Variants in WWP2 observed in about 807,000 individuals in gnomAD.
The protein encoded by WWP2 is WW domain containing E3 ubiquitin protein ligase 2, also known as NEDD4-like E3 ubiquitin-protein ligase WWP2.
WWP2 carries 57 observed loss-of-function variants against 121.0 expected under a neutral mutation model. That is an observed-to-expected ratio of 0.47 (90% CI 0.38 to 0.59). The LOEUF is 0.59. Ranked by LOEUF, WWP2 falls within the 20% of genes least tolerant of loss-of-function variation. The probability of loss-of-function intolerance (pLI) is 0.00; values close to 1 mark genes in which losing one functional copy is unlikely to be tolerated. For missense variants in WWP2, 962 were observed against 1,158.9 expected (o/e 0.83, Z 2.47); for synonymous variants, 449 against 441.3 (o/e 1.02, Z -0.22).
intron 4 of WWP2, among the ~76,000 whole-genome samples, chr16:69,834,863 CT>C (rs940306749): frequency 3.4e-5 from 5 of 147,462 alleles, no homozygotes; most frequent in Admixed American, 6.8e-5. Flanking sequence ...ATGCAATTTT[CT>C]TTTTTTTTTA....
intron 4 of WWP2, among the ~76,000 whole-genome samples, chr16:69,811,338 G>T (rs1205014334): frequency 6.6e-6 from 1 of 152,032 alleles, no homozygotes; most frequent in African/African-American, 2.4e-5. Flanking sequence ...TAGGTGTGGT[G>T]GCTCACACCT....
At chr16:69,777,309 CT>C (rs201135806) in intron 1 of WWP2, among the ~76,000 whole-genome samples, 1 of 150,254 alleles carries the variant, frequency 6.7e-6, no homozygotes, top group African/African-American at 2.4e-5. Flanking sequence ...TTTATATTTT[CT>C]TTTTTTTTGA....
At chr16:69,812,652 T>C (rs1016128468) in intron 4 of WWP2, among the ~76,000 whole-genome samples, 1 of 151,956 alleles carries the variant, frequency 6.6e-6, no homozygotes, top group African/African-American at 2.4e-5. Context: ...TTTTTAAAAA[T>C]TATTTGGCAG....
chr16:69,875,418 A>T (rs2151921681), intron 7 of WWP2, among the ~76,000 whole-genome samples: 1 of 152,324 alleles, frequency 6.6e-6, no homozygotes, highest in Admixed American at 6.5e-5. Context: ...GGCAATTTCT[A>T]ATAAGACAAC....
At chr16:69,782,498 C>G (rs1343976986) in intron 1 of WWP2, among the ~76,000 whole-genome samples, 1 of 152,142 alleles carries the variant, frequency 6.6e-6, no homozygotes, top group Non-Finnish European at 1.5e-5. Context: ...TCAGTTGTGT[C>G]AGATGCTGCC....
chr16:69,902,964 G>A (rs2058228306), intron 8 of WWP2, among the ~76,000 whole-genome samples: 1 of 152,188 alleles, frequency 6.6e-6, no homozygotes. Context: ...CCAGGTCATG[G>A]ATCAGGGAGG....
At chr16:69,902,758 G>A (rs1049500091) in intron 8 of WWP2, among the ~76,000 whole-genome samples, 1 of 152,292 alleles carries the variant, frequency 6.6e-6, no homozygotes, top group South Asian at 2.1e-4. Flanking sequence ...GCATGGGGGG[G>A]ACCAAACCAA....
chr16:69,911,811 G>C (rs563591316), intron 9 of WWP2, among the ~76,000 whole-genome samples: 38 of 152,294 alleles, frequency 2.5e-4, no homozygotes, highest in African/African-American at 9.1e-4. Flanking sequence ...TAAAGGGATG[G>C]AAGAGGAGAA....
Position 69,799,315 on chromosome 16 carries a change from T to G in WWP2, c.340+20T>G, listed in dbSNP as rs1348178813. The G allele has an allele frequency of 1.2e-6, 2 of 1,607,178 alleles. No individual in the cohort carries two copies. The highest frequency in any genetic ancestry group is 3.4e-5 in the Admixed American group (2 of 58,522). ...GCAAAAGTACGTATGATGAAGGGGG[T>G]GCCGACGTGATTCTTGGGTGGGGAT... On this transcript the variant is annotated intron_variant, in intron 4 of 23. Transcript: ENST00000359154. The surrounding 1 kb of genome is among the most constrained non-coding windows in gnomAD (Gnocchi z 4.5).
At chr16:69,828,811 T>G (rs2056747236) in intron 4 of WWP2, among the ~76,000 whole-genome samples, 1 of 152,230 alleles carries the variant, frequency 6.6e-6, no homozygotes, top group Admixed American at 6.5e-5. Context: ...TTCCATCCTC[T>G]TCTTCCATGA....
At chr16:69,809,902 G>A (rs557740750) in intron 4 of WWP2, among the ~76,000 whole-genome samples, 64 of 152,266 alleles carry the variant, frequency 4.2e-4, no homozygotes, top group Admixed American at 1.3e-3. Context: ...GGAAGCTGTC[G>A]TTAACATGGG....
At chr16:69,800,934 C>G (rs2056150881) in intron 4 of WWP2, among the ~76,000 whole-genome samples, 2 of 147,624 alleles carry the variant, frequency 1.4e-5, no homozygotes, top group African/African-American at 5.0e-5. Flanking sequence ...GCCTGTAATC[C>G]CAGTACTTTG....
rs183369045 is a variant in WWP2, at chr16:69,865,514, G to A, written c.576-6290G>A. Among the ~76,000 whole-genome samples, 5 of 152,294 alleles carry A rather than the reference G, an allele frequency of 3.3e-5. No individual in the cohort carries two copies. In the South Asian group the frequency reaches 1.0e-3, roughly 32 times the overall value. On this transcript the variant is annotated intron_variant, in intron 6 of 23. Transcript: ENST00000359154. ...GAAAAGAGAGCTTCATTTCTAAAGG[G>A]GGGGTACCATAACCTGCAGGCAGGA...
chr16:69,764,350 G>C (rs961751503), intron 1 of WWP2, among the ~76,000 whole-genome samples: 2 of 152,130 alleles, frequency 1.3e-5, no homozygotes, highest in East Asian at 3.9e-4. Flanking sequence ...ACAGGTGGGT[G>C]CCACCTCGCC....
chr16:69,855,356 A>G (rs1205890321), intron 6 of WWP2, among the ~76,000 whole-genome samples: 2 of 152,158 alleles, frequency 1.3e-5, no homozygotes, highest in Admixed American at 1.3e-4. Context: ...CTCTGCCTCT[A>G]TCATTCTGCT....
intron 1 of WWP2, among the ~76,000 whole-genome samples, chr16:69,783,796 A>T (rs530637014): frequency 2.5e-4 from 38 of 151,942 alleles, no homozygotes; most frequent in African/African-American, 8.9e-4. Flanking sequence ...AACAACAACA[A>T]CAACAACAAA....
At chr16:69,909,617 TA>T in intron 9 of WWP2, 3 of 985,416 alleles carry the variant, frequency 3.0e-6, no homozygotes, top group Non-Finnish European at 3.6e-6. Flanking sequence ...ATGAAACTCA[TA>T]ACCTGTCATC....
chr16:69,774,016 T>G (rs928930909), intron 1 of WWP2, among the ~76,000 whole-genome samples: 1 of 151,732 alleles, frequency 6.6e-6, no homozygotes, highest in Non-Finnish European at 1.5e-5. Context: ...TAAATGGGAA[T>G]CTCTGAGGGT....
In WWP2 at chr16:69,799,145, A is replaced by G; in HGVS notation, c.219-29A>G. ...TAAGTTATAGGAATGATCTGCTTGG[A>G]TGTAATGAATCAGGTATTTGTTTTT... On this transcript the variant is annotated intron_variant, in intron 3 of 23. Transcript: ENST00000359154. This position sits in a 1 kb window ranked among gnomAD's most constrained non-coding sequence, Gnocchi z 4.5. The G allele has an allele frequency of 6.2e-7, 1 of 1,602,288 alleles. No individual in the cohort carries two copies. The highest frequency in any genetic ancestry group is 8.5e-7 in the Non-Finnish European group (1 of 1,174,826).
Sources: gnomAD v4.1 joint callset for allele counts (sites outside exome capture counted in the v4.1 genomes callset) on GRCh38, gnomAD v4.1.1 for gene constraint, Gnocchi (gnomAD v3.1) non-coding constraint, MANE v1.5 for transcripts, NCBI Gene and HGNC (gene_info 2026-07-23, HGNC 2026-07-21) for gene names.